Variants in THEMIS observed in about 807,000 individuals in gnomAD.
THEMIS encodes the protein protein THEMIS.
A neutral mutation model predicts 52.6 loss-of-function variants in THEMIS; 37 were observed. The ratio of observed to expected loss-of-function variants is 0.70; its 90% CI spans 0.54 to 0.93. The LOEUF is 0.93. Ranked by LOEUF, THEMIS falls within the 40% of genes least tolerant of loss-of-function variation. The pLI is 0.00. For synonymous variants in THEMIS, 292 were observed against 272.7 expected (o/e 1.07, Z -0.70); for missense variants, 808 against 763.1 (o/e 1.06, Z -0.69).
chr6:127,834,416 A>C (rs1778803347), intron 2 of THEMIS, among the ~76,000 whole-genome samples: 1 of 87,164 alleles, frequency 1.1e-5, no homozygotes, highest in South Asian at 6.4e-4. Flanking sequence ...CACTAAAAAT[A>C]CAAAAAAAAA....
intron 1 of THEMIS, among the ~76,000 whole-genome samples, chr6:127,865,438 G>A (rs1779945069): frequency 1.3e-5 from 2 of 152,020 alleles, no homozygotes; most frequent in Admixed American, 1.3e-4. Context: ...TAAATATCAT[G>A]TTTCAAGACT....
intron 4 of THEMIS, among the ~76,000 whole-genome samples, chr6:127,782,037 C>G (rs1054234103): frequency 6.6e-6 from 1 of 152,144 alleles, no homozygotes; most frequent in Admixed American, 6.5e-5. Flanking sequence ...AGCAGCTTTG[C>G]CAAGCTGCAG....
chr6:127,726,592 A>G (rs1315255993), intron 4 of THEMIS, among the ~76,000 whole-genome samples: 2 of 152,180 alleles, frequency 1.3e-5, no homozygotes, highest in Non-Finnish European at 1.5e-5. Context: ...TTTCACTTGC[A>G]TCTTCCTCTA....
At chr6:127,746,644 G>T (rs1775399322) in intron 4 of THEMIS, among the ~76,000 whole-genome samples, 1 of 135,608 alleles carries the variant, frequency 7.4e-6, no homozygotes, top group African/African-American at 2.8e-5. Context: ...AATAAATGAT[G>T]AATAAGATTG....
chr6:127,704,626 T>C (rs547845577), downstream of THEMIS, among the ~76,000 whole-genome samples: 89 of 152,326 alleles, frequency 5.8e-4, no homozygotes, highest in Middle Eastern at 3.4e-3. Context: ...AACTGCCCTC[T>C]TGAGCTAGTT....
intron 2 of THEMIS, among the ~76,000 whole-genome samples, chr6:127,852,189 G>A (rs1005648629): frequency 6.6e-6 from 1 of 151,362 alleles, no homozygotes; most frequent in Non-Finnish European, 1.5e-5. Context: ...ATCAACAAGA[G>A]ATAACAATTA....
At chr6:127,746,333 A>G (rs1035276797) in intron 4 of THEMIS, among the ~76,000 whole-genome samples, 3 of 151,804 alleles carry the variant, frequency 2.0e-5, no homozygotes, top group African/African-American at 7.2e-5. Context: ...ATTCTATACT[A>G]CTAAGGAGGA....
At chr6:127,718,424 G>T (rs1774245980) in intron 5 of THEMIS, among the ~76,000 whole-genome samples, 1 of 151,852 alleles carries the variant, frequency 6.6e-6, no homozygotes, top group Non-Finnish European at 1.5e-5. Flanking sequence ...GCTCTGGTCT[G>T]TAACATACGC....
intron 1 of THEMIS, among the ~76,000 whole-genome samples, chr6:127,882,732 T>TA (rs994320652): frequency 1.2e-4 from 18 of 151,722 alleles, no homozygotes; most frequent in African/African-American, 4.1e-4. Context: ...TTTAAGAACT[T>TA]AAAAAAAAGC....
intron 4 of THEMIS, among the ~76,000 whole-genome samples, chr6:127,759,975 C>A (rs951247849): frequency 1.3e-5 from 2 of 151,710 alleles, no homozygotes; most frequent in African/African-American, 4.8e-5. Context: ...GATTATGTAG[C>A]TTCCCAACTG....
At chr6:127,805,803 T>C (rs1333969125) in intron 4 of THEMIS, among the ~76,000 whole-genome samples, 1 of 152,152 alleles carries the variant, frequency 6.6e-6, no homozygotes, top group Non-Finnish European at 1.5e-5. Context: ...TGCTCAAATA[T>C]ATAGCTTATG....
intron 4 of THEMIS, among the ~76,000 whole-genome samples, chr6:127,755,163 C>G (rs1023820260): frequency 6.6e-6 from 1 of 152,174 alleles, no homozygotes; most frequent in Non-Finnish European, 1.5e-5. Flanking sequence ...TAATATAATG[C>G]TCTTGCACTA....
intron 3 of THEMIS, among the ~76,000 whole-genome samples, chr6:127,818,079 C>T (rs992981027): frequency 2.0e-5 from 3 of 152,132 alleles, no homozygotes; most frequent in African/African-American, 7.2e-5. Context: ...AAGGGAATTA[C>T]CCAACCAAGC....
chr6:127,846,636 C>A (rs1309077021), intron 2 of THEMIS, among the ~76,000 whole-genome samples: 2 of 151,678 alleles, frequency 1.3e-5, no homozygotes, highest in South Asian at 2.1e-4. Flanking sequence ...TGAGATTGAA[C>A]CAGTAATTTA....
chr6:127,782,730 G>C (rs118002814), intron 4 of THEMIS, among the ~76,000 whole-genome samples: 3,323 of 94,090 alleles, frequency 0.035, 42 homozygotes, highest in Non-Finnish European at 0.053. Context: ...GTAGACTTGA[G>C]CTGTTCCTAT....
intron 4 of THEMIS, among the ~76,000 whole-genome samples, chr6:127,738,628 C>G (rs769785636): frequency 6.6e-6 from 1 of 152,132 alleles, no homozygotes; most frequent in Non-Finnish European, 1.5e-5. Flanking sequence ...TTTGTAATTC[C>G]CTGAGTAAGC....
intron 1 of THEMIS, among the ~76,000 whole-genome samples, chr6:127,895,076 C>T (rs183728098): frequency 5.1e-4 from 77 of 150,644 alleles, no homozygotes; most frequent in African/African-American, 1.7e-3. Context: ...AGTTAACTCA[C>T]ATAAACACAC....
chr6:127,867,279 A>T (rs1780012390), intron 1 of THEMIS, among the ~76,000 whole-genome samples: 1 of 152,112 alleles, frequency 6.6e-6, no homozygotes, highest in Non-Finnish European at 1.5e-5. Flanking sequence ...CACCAAAGAA[A>T]AACCTAGTTC....
At chr6:127,901,583 G>C (rs1562330629), upstream of THEMIS, among the ~76,000 whole-genome samples, 1 of 152,036 alleles carries the variant, frequency 6.6e-6, no homozygotes, top group Non-Finnish European at 1.5e-5. Flanking sequence ...AAGGAGGGTA[G>C]GGTAGGGATA....
Sources: allele counts gnomAD v4.1 joint callset (sites outside exome capture counted in the v4.1 genomes callset), GRCh38; gene constraint gnomAD v4.1.1; transcripts MANE v1.5; gene names NCBI Gene and HGNC (gene_info 2026-07-23, HGNC 2026-07-21).